The following BNC2 variants were observed in gnomAD, a reference collection of about 807,000 sequenced individuals.
The protein encoded by BNC2 is basonuclin zinc finger protein 2, also known as zinc finger protein basonuclin-2.
BNC2 carries 20 observed loss-of-function variants against 76.3 expected under a neutral mutation model. The ratio of observed to expected loss-of-function variants is 0.26; its 90% CI spans 0.18 to 0.38. BNC2 has a LOEUF of 0.38. Among genes scored for constraint, BNC2 ranks in the 10% least tolerant of loss-of-function variants. The pLI is 1.00. For missense variants in BNC2, 1,382 were observed against 1,399.8 expected (o/e 0.99, Z 0.20); for synonymous variants, 582 against 514.8 (o/e 1.13, Z -1.77).
At chr9:16,778,855 C>G (rs1353714158) in intron 1 of BNC2, among the ~76,000 whole-genome samples, 3 of 152,094 alleles carry the variant, frequency 2.0e-5, no homozygotes, top group African/African-American at 7.2e-5. Context: ...AGGGGAAAGG[C>G]AGCAAGGGTC....
intron 1 of BNC2, among the ~76,000 whole-genome samples, chr9:16,804,172 CAT>C (rs1468736075): frequency 2.0e-5 from 3 of 152,194 alleles, no homozygotes; most frequent in Non-Finnish European, 4.4e-5. Context: ...GAAAGATTTG[CAT>C]ATGAGTTATT....
intron 1 of BNC2, among the ~76,000 whole-genome samples, chr9:16,807,458 T>C (rs933729514): frequency 1.3e-5 from 2 of 152,170 alleles, no homozygotes; most frequent in South Asian, 4.1e-4. Context: ...TGTTTTGCAA[T>C]ATGCACCAAT....
intron 5 of BNC2, among the ~76,000 whole-genome samples, chr9:16,440,894 T>G (rs953196280): frequency 2.0e-5 from 3 of 152,212 alleles, no homozygotes; most frequent in African/African-American, 7.2e-5. Flanking sequence ...TTTATAGTGG[T>G]AATAGAAGCA....
chr9:16,576,248 C>T lies in BNC2; in HGVS notation c.433+6735G>A, dbSNP rs574980929. The stretch of plus-strand genomic sequence containing the variant: ...GGGAACATTATCTCCCTTTGTCAGA[C>T]GAAACTTAGTTGTTTTTTAGTCTCC... On this transcript the variant is annotated intron_variant, in intron 4 of 6. Coordinates refer to ENST00000380672, the MANE Select transcript of BNC2 (RefSeq NM_017637.6). Among the ~76,000 whole-genome samples the T allele has an allele frequency of 1.1e-4, 17 of 152,302 alleles. No homozygotes were observed. The South Asian group carries it at 2.1e-3, about 19-fold the overall frequency.
intron 4 of BNC2, among the ~76,000 whole-genome samples, chr9:16,553,197 T>A (rs1444981291): frequency 1.3e-5 from 2 of 152,142 alleles, no homozygotes; most frequent in Admixed American, 1.3e-4. Flanking sequence ...GCAGGCTCAG[T>A]GAATATCACT....
chr9:16,522,780 A>T (rs1227666637), intron 5 of BNC2, among the ~76,000 whole-genome samples: 4 of 152,144 alleles, frequency 2.6e-5, no homozygotes, highest in Non-Finnish European at 2.9e-5. Flanking sequence ...CTTCTCTTAA[A>T]CATCCACCGA....
chr9:16,663,878 A>G (rs1031049312), intron 3 of BNC2, among the ~76,000 whole-genome samples: 5 of 152,216 alleles, frequency 3.3e-5, no homozygotes, highest in African/African-American at 1.2e-4. Context: ...CATTGAATAA[A>G]TGTACTGTTA....
intron 1 of BNC2, among the ~76,000 whole-genome samples, chr9:16,794,294 T>C (rs1310278379): frequency 6.6e-6 from 1 of 152,176 alleles, no homozygotes; most frequent in African/African-American, 2.4e-5. Context: ...CAGAACTTAA[T>C]CACATGACTG....
rs143579399 is a variant in BNC2 at position 16,595,370 on chromosome 9, G to A, written c.331-12285C>T. Among the ~76,000 whole-genome samples, 246 of 152,234 alleles carry A rather than the reference G, an allele frequency of 1.6e-3. 1 individual carries two copies. The highest frequency in any genetic ancestry group is 5.6e-3 in the African/African-American group (233 of 41,550). ...AATAATAATAGTGATATGATGAACA[G>A]TCTATGTGCCCCCTTATACGTTATT... On this transcript the variant is annotated intron_variant, in intron 3 of 6. Transcript: ENST00000380672.
chr9:16,802,578 A>G (rs886906217), intron 1 of BNC2, among the ~76,000 whole-genome samples: 1 of 152,218 alleles, frequency 6.6e-6, no homozygotes, highest in East Asian at 1.9e-4. Context: ...ATGTTTATAC[A>G]AGAGAGACAA....
At chr9:16,808,057 C>A (rs564643101) in intron 1 of BNC2, among the ~76,000 whole-genome samples, 3 of 152,032 alleles carry the variant, frequency 2.0e-5, no homozygotes, top group African/African-American at 7.2e-5. Flanking sequence ...AGGAGGTGGG[C>A]CATATATGTT....
At chr9:16,787,063 C>G (rs1826315496) in intron 1 of BNC2, among the ~76,000 whole-genome samples, 1 of 152,174 alleles carries the variant, frequency 6.6e-6, no homozygotes, top group Non-Finnish European at 1.5e-5. Flanking sequence ...TTAGTACATT[C>G]CCAGGCAAGA....
chr9:16,543,864 C>T (rs1297989590), intron 5 of BNC2, among the ~76,000 whole-genome samples: 1 of 152,168 alleles, frequency 6.6e-6, no homozygotes, highest in African/African-American at 2.4e-5. Context: ...CTTGCCAGGA[C>T]AGTGTTTGTA....
At chr9:16,617,393 G>A (rs547032217) in intron 3 of BNC2, among the ~76,000 whole-genome samples, 93 of 152,068 alleles carry the variant, frequency 6.1e-4, no homozygotes, top group Middle Eastern at 3.4e-3. Flanking sequence ...AAAACAAAGC[G>A]GAATATGAAA....
intron 1 of BNC2, among the ~76,000 whole-genome samples, chr9:16,766,742 T>C (rs910939247): frequency 1.3e-5 from 2 of 152,222 alleles, no homozygotes; most frequent in Non-Finnish European, 2.9e-5. Flanking sequence ...CTGTTGGAGT[T>C]TGGAATCATC....
chr9:16,558,710 C>G (rs929896552), intron 4 of BNC2, among the ~76,000 whole-genome samples: 1 of 152,064 alleles, frequency 6.6e-6, no homozygotes, highest in Non-Finnish European at 1.5e-5. Flanking sequence ...GCGGGCGGAT[C>G]ATGAGGTTAG....
rs567271378 is a variant in BNC2, at chr9:16,479,165, C to T, written c.670-41641G>A. Among the ~76,000 whole-genome samples the T allele has an allele frequency of 1.6e-4, 24 of 150,676 alleles. 1 individual carries two copies. The South Asian group carries it at 4.6e-3, about 29-fold the overall frequency. ...TACTCGGGAGTCTGAGGCAGGAGAA[C>T]TGCTTGAATCTGGGAGGCGGAGGCT... On this transcript the variant is annotated intron_variant, in intron 5 of 6. Transcript: ENST00000380672.
At chr9:16,686,254 G>A (rs1225443625) in intron 3 of BNC2, among the ~76,000 whole-genome samples, 1 of 151,992 alleles carries the variant, frequency 6.6e-6, no homozygotes, top group African/African-American at 2.4e-5. Flanking sequence ...AAAAAACAAG[G>A]TTAAAACTTA....
Position 16,419,012 on chromosome 9 carries a change from T to C in BNC2, c.3277A>G (p.Ile1093Val), listed in dbSNP as rs986395719. 5.0e-6 allele frequency: 8 copies of C among 1,614,148 alleles called. No individual in the cohort carries two copies. Among genetic ancestry groups the C allele is most frequent in the Non-Finnish European group, 5.9e-6 (7 of 1,180,014 alleles). Residue 1093 changes from isoleucine (I) to valine (V), a missense_variant, in exon 7 of 7, where the codon ATT (isoleucine) becomes GTT (valine). Physicochemically the swap from Ile to Val is conservative, Grantham distance 29. Transcript: ENST00000380672. ...GACTAATCTACTGAAGTGAAGGGAA[T>C]GTTTTTGTGGAGATTAGGGTTCTGA... ...HSQNPNLHKN[I>V]PFTSVD is the part of the protein sequence containing the mutation.
Sources: gnomAD v4.1 joint callset for allele counts (sites outside exome capture counted in the v4.1 genomes callset) on GRCh38, gnomAD v4.1.1 for gene constraint, MANE v1.5 for transcripts, NCBI Gene and HGNC (gene_info 2026-07-23, HGNC 2026-07-21) for gene names.